The following CENPE variants were observed in gnomAD, a reference collection of about 807,000 sequenced individuals.
The protein encoded by CENPE is centromere-associated protein E.
A neutral mutation model predicts 336.1 loss-of-function variants in CENPE; 145 were observed. That is an observed-to-expected ratio of 0.43 (90% CI 0.38 to 0.50). CENPE has a LOEUF of 0.50. CENPE is among the 20% of genes least tolerant of loss of function. The pLI is 0.00. For missense variants in CENPE, 2,719 were observed against 3,023.3 expected (o/e 0.90, Z 2.36); for synonymous variants, 1,013 against 984.8 (o/e 1.03, Z -0.54).
In CENPE at chr4:103,138,464, A is replaced by G; in HGVS notation, c.6205-15T>C. 2 of 1,583,464 alleles carry G rather than the reference A, an allele frequency of 1.3e-6. No homozygotes were observed. The highest frequency in any genetic ancestry group is 2.2e-5 in the South Asian group (2 of 90,380). On this transcript the variant is annotated splice_polypyrimidine_tract_variant and intron_variant, in intron 38 of 48. Coordinates refer to ENST00000265148, the MANE Select transcript of CENPE (RefSeq NM_001813.3). ...TTCTGTCGGTCCTGCTTTGGTAAAA[A>G]GAAAATAAACAGGGCTTTTGTCATG...
Position 103,196,098 on chromosome 4 carries a change from T to A in CENPE, c.239-60A>T. The A allele has an allele frequency of 3.8e-6, 6 of 1,580,762 alleles. No homozygotes were observed. The South Asian group carries it at 6.6e-5, about 17-fold the overall frequency. Reference sequence around the variant, plus strand: ...AAAACAAACCTATAATGGGTAAAACTATGCATGCTTGTTGCACAGACGCCC... The same window carrying A: ...AAAACAAACCTATAATGGGTAAAACAATGCATGCTTGTTGCACAGACGCCC... On this transcript the variant is annotated intron_variant, in intron 3 of 48. Transcript: ENST00000265148.
At chr4:103,107,704 G>C (rs150712923) in intron 48 of CENPE, among the ~76,000 whole-genome samples, 1 of 152,126 alleles carries the variant, frequency 6.6e-6, no homozygotes, top group South Asian at 2.1e-4. Flanking sequence ...CAGGTGCCTG[G>C]TGTTGCTGAT....
intron 45 of CENPE, 46 bp downstream of exon 45, chr4:103,116,531 A>C: frequency 1.1e-6 from 1 of 929,558 alleles, no homozygotes; most frequent in Non-Finnish European, 1.6e-6. Context: ...GTTTAGGAAG[A>C]AAATTTAAGC....
chr4:103,154,463 T>C (rs957828463), intron 24 of CENPE, among the ~76,000 whole-genome samples: 4 of 152,132 alleles, frequency 2.6e-5, no homozygotes, highest in African/African-American at 9.7e-5. Flanking sequence ...AAACTGTACT[T>C]TATTTAGCAA....
rs1438697073 is a variant in CENPE at position 103,195,050 on chromosome 4, C to A, written c.477+64G>T. ...AAAAACTATAGAAATTAAAGGTAAA[C>A]ATTCAAGAACAATAATCTCAATAAG... On this transcript the variant is annotated intron_variant, in intron 5 of 48. Coordinates refer to ENST00000265148, the MANE Select transcript of CENPE (RefSeq NM_001813.3). 5.0e-6 allele frequency: 7 copies of A among 1,393,326 alleles called. No individual in the cohort carries two copies. In the African/African-American group the frequency reaches 1.0e-4, roughly 21 times the overall value. The allele number at this position is 1,393,326 out of a possible 1,614,324, so 86.3% of individuals were successfully genotyped here.
rs1332585313 is a variant in CENPE, at chr4:103,159,196, T to C, written c.2415A>G (p.Leu805=). The change falls in exon 22 of 49, where the codon CTA becomes CTG. Residue 805 remains leucine, a synonymous_variant. Transcript: ENST00000265148. The part of the protein sequence containing the change: ...LEEIGKTKDD[L]ATTQSNYKST... Reference sequence around the variant, plus strand: ...TTTTATAATTCGACTGTGTAGTTGCTAGGTCATCTTTTGTTTTCCCAATTT... The same window carrying C: ...TTTTATAATTCGACTGTGTAGTTGCCAGGTCATCTTTTGTTTTCCCAATTT... 1.2e-6 allele frequency: 2 copies of C among 1,612,782 alleles called. No individual in the cohort carries two copies. The highest frequency in any genetic ancestry group is 1.3e-5 in the African/African-American group (1 of 74,886).
At chr4:103,112,811 T>C (rs9761208) in intron 46 of CENPE, among the ~76,000 whole-genome samples, 3,547 of 41,146 alleles carry the variant, frequency 0.086, 157 homozygotes, top group Middle Eastern at 0.12. Context: ...TATATAAGTG[T>C]ATATATATAC....
intron 1 of CENPE, among the ~76,000 whole-genome samples, chr4:103,197,275 T>A (rs1367715624): frequency 6.6e-6 from 1 of 152,210 alleles, no homozygotes; most frequent in African/African-American, 2.4e-5. Context: ...AAATGACAGA[T>A]GTAACCTCTC....
intron 16 of CENPE, among the ~76,000 whole-genome samples, chr4:103,173,604 A>G (rs1284832506): frequency 2.0e-5 from 3 of 151,832 alleles, no homozygotes; most frequent in Non-Finnish European, 3.0e-5. Flanking sequence ...AATATTTGCA[A>G]TATTTGCAGA....
chr4:103,136,927 C>T (rs535399746), intron 39 of CENPE, among the ~76,000 whole-genome samples: 4 of 152,222 alleles, frequency 2.6e-5, no homozygotes, highest in African/African-American at 9.6e-5. Flanking sequence ...AGTCACTGAG[C>T]CATTTTCACA....
At chr4:103,112,904 AC>A (rs1749644538) in intron 46 of CENPE, among the ~76,000 whole-genome samples, 1 of 32,248 alleles carries the variant, frequency 3.1e-5, no homozygotes, top group Non-Finnish European at 5.7e-5. Context: ...GTACATATAT[AC>A]TTATAAGTAT....
At position 103,145,549 on chromosome 4, in the gene CENPE, C is replaced by G; in HGVS notation, c.4546G>C (p.Ala1516Pro). The change falls in exon 31 of 49, where the codon GCA (alanine) becomes CCA (proline). Residue 1516 changes from alanine to proline, a missense_variant. Physicochemically the swap from Ala to Pro is conservative, Grantham distance 27 (BLOSUM62 -1). Coordinates refer to ENST00000265148, the MANE Select transcript of CENPE (RefSeq NM_001813.3). ...EISTIQKQLE[A>P]INDKLQNKIQ... ...TTGTTCTGTAATTTATCATTGATTG[C>G]TTCTAACTGCTTTTGAATGGTTGAT... 1 of 1,606,746 alleles carries G rather than the reference C, an allele frequency of 6.2e-7. No individual in the cohort carries two copies. The highest frequency in any genetic ancestry group is 8.5e-7 in the Non-Finnish European group (1 of 1,177,556).
intron 37 of CENPE, 83 bp from the exon 38 acceptor site, chr4:103,140,162 C>T: frequency 2.1e-6 from 3 of 1,434,860 alleles, no homozygotes; most frequent in Non-Finnish European, 2.8e-6. Flanking sequence ...TCTATATGCA[C>T]ATATCTATCT....
intron 48 of CENPE, among the ~76,000 whole-genome samples, chr4:103,106,872 T>C (rs975290248): frequency 6.6e-6 from 1 of 152,212 alleles, no homozygotes; most frequent in African/African-American, 2.4e-5. Context: ...TCACATTTAT[T>C]TTTTTAAAGA....
At chr4:103,141,603 G>T in intron 35 of CENPE, 147 bp downstream of exon 35, 1 of 572,012 alleles carries the variant, frequency 1.7e-6, no homozygotes, top group Non-Finnish European at 3.1e-6. Flanking sequence ...CCAAGAAGTG[G>T]AAATGTTGGG....
intron 25 of CENPE, among the ~76,000 whole-genome samples, chr4:103,151,948 C>T (rs562835906): frequency 2.2e-4 from 34 of 152,256 alleles, no homozygotes; most frequent in African/African-American, 7.7e-4. Context: ...AGGAGACAAT[C>T]CCCAAAACTT....
chr4:103,156,012 C>T (rs1369770597), intron 24 of CENPE, among the ~76,000 whole-genome samples: 1 of 151,908 alleles, frequency 6.6e-6, no homozygotes, highest in Admixed American at 6.6e-5. Context: ...CAAAAAAGAA[C>T]AAAATACTAA....
At chr4:103,145,417 GTTGCT>G (rs1434089782) in intron 31 of CENPE, 83 bp from the exon 32 acceptor site, 1 of 1,375,428 alleles carries the variant, frequency 7.3e-7, no homozygotes, top group African/African-American at 1.4e-5. Flanking sequence ...AGAGGAAAAG[GTTGCT>G]TCCCAAAACA....
intron 34 of CENPE, 34 bp from the exon 35 acceptor site, chr4:103,141,942 A>G: frequency 1.6e-6 from 2 of 1,268,738 alleles, no homozygotes. Flanking sequence ...AAACAGTGAC[A>G]TATCTTAATA....
Sources: allele counts gnomAD v4.1 joint callset (sites outside exome capture counted in the v4.1 genomes callset), GRCh38; gene constraint gnomAD v4.1.1; transcripts MANE v1.5; gene names NCBI Gene and HGNC (gene_info 2026-07-23, HGNC 2026-07-21).